The following TTLL9 variants were observed in gnomAD, a reference collection of about 807,000 sequenced individuals.
TTLL9 encodes the protein probable tubulin polyglutamylase TTLL9.
A neutral mutation model predicts 65.6 loss-of-function variants in TTLL9; 47 were observed. The observed-to-expected ratio is 0.72, with a 90% CI of 0.57 to 0.91. TTLL9 has a LOEUF of 0.91. Among genes scored for constraint, TTLL9 ranks in the 40% least tolerant of loss-of-function variants. The probability of loss-of-function intolerance (pLI) is 0.00; values close to 1 mark genes in which losing one functional copy is unlikely to be tolerated. For synonymous variants in TTLL9, 179 were observed against 204.8 expected (o/e 0.87, Z 1.07); for missense variants, 537 against 568.8 (o/e 0.94, Z 0.57).
At chr20:31,939,505 A>G in intron 14 of TTLL9, 1 of 360,158 alleles carries the variant, frequency 2.8e-6, no homozygotes, top group Admixed American at 4.4e-5. Flanking sequence ...GAATATTTGA[A>G]AACTAGAGAA....
intron 2 of TTLL9, chr20:31,879,684 G>C (rs1415818751): frequency 2.6e-6 from 2 of 761,624 alleles, no homozygotes; most frequent in South Asian, 2.0e-5. Flanking sequence ...GGAAGTCGGG[G>C]GACCTAGGCT....
chr20:31,924,807 C>T (rs941753684), intron 8 of TTLL9, among the ~76,000 whole-genome samples: 1 of 151,978 alleles, frequency 6.6e-6, no homozygotes, highest in Non-Finnish European at 1.5e-5. Flanking sequence ...GGATTCCTGG[C>T]CTCAAGCGAT....
In TTLL9 at chr20:31,943,329, A is replaced by G; in HGVS notation, c.*308A>G. On this transcript the variant is annotated 3_prime_UTR_variant, in exon 15 of 15. Transcript: ENST00000535842. ...CAGCAAGTTCTGCTACCCCCAGGAG[A>G]TCATATCTAATAAATGAGCACAGGC... The G allele has an allele frequency of 2.3e-6, 1 of 430,908 alleles. No individual in the cohort carries two copies. The highest frequency in any genetic ancestry group is 4.7e-5 in the East Asian group (1 of 21,356). 26.7% of individuals were successfully genotyped at this position (430,908 alleles called of 1,614,324 possible).
chr20:31,893,539 C>A (rs1317039024), intron 3 of TTLL9, among the ~76,000 whole-genome samples: 1 of 152,132 alleles, frequency 6.6e-6, no homozygotes, highest in African/African-American at 2.4e-5. Context: ...GATCCGCTTG[C>A]CTCAGCCTCC....
chr20:31,926,112 C>T (rs373099893), intron 10 of TTLL9, 21 bp downstream of exon 10: 8 of 1,553,710 alleles, frequency 5.1e-6, no homozygotes, highest in African/African-American at 1.4e-5. Context: ...GGTCTGGTCC[C>T]TTCCCTCCGG....
At chr20:31,894,720 TACACACAC>T (rs10582768) in intron 3 of TTLL9, among the ~76,000 whole-genome samples, 158 of 148,998 alleles carry the variant, frequency 1.1e-3, no homozygotes, top group African/African-American at 3.5e-3. Context: ...TACATGTATA[TACACACAC>T]ACACACACAC....
At chr20:31,890,154 C>CTTCTTTCTTTCTTTCTTTCTCTCT (rs2063281700) in intron 3 of TTLL9, among the ~76,000 whole-genome samples, 3 of 13,574 alleles carry the variant, frequency 2.2e-4, no homozygotes, top group Non-Finnish European at 2.5e-4. Flanking sequence ...TCCTTCCTTC[C>CTTCTTTCTTTCTTTCTTTCTCTCT]TTCTTTCTTT....
chr20:31,921,445 C>G (rs977756004), intron 7 of TTLL9, among the ~76,000 whole-genome samples: 1 of 152,174 alleles, frequency 6.6e-6, no homozygotes, highest in Non-Finnish European at 1.5e-5. Context: ...ACTAGAAATA[C>G]CATTTGACCC....
chr20:31,885,176 T>A (rs192977573), intron 2 of TTLL9, among the ~76,000 whole-genome samples: 180 of 152,002 alleles, frequency 1.2e-3, no homozygotes, highest in African/African-American at 4.2e-3. Flanking sequence ...TCTCAACATG[T>A]TTTTTCGTAG....
chr20:31,906,322 G>A (rs1600568163), intron 4 of TTLL9, among the ~76,000 whole-genome samples: 2 of 152,214 alleles, frequency 1.3e-5, no homozygotes, highest in Admixed American at 6.5e-5. Context: ...TGACTCACAC[G>A]TGTGGCAGTC....
chr20:31,883,735 A>T (rs2063150818), intron 2 of TTLL9, among the ~76,000 whole-genome samples: 1 of 152,150 alleles, frequency 6.6e-6, no homozygotes, highest in Admixed American at 6.5e-5. Flanking sequence ...AAGTTAAAAA[A>T]AAAAGCCTGT....
intron 7 of TTLL9, 135 bp downstream of exon 7, chr20:31,920,067 G>T (rs931471399): frequency 1.5e-6 from 1 of 684,630 alleles, no homozygotes; most frequent in Non-Finnish European, 2.2e-6. Context: ...ATTGGAGCAG[G>T]GTCTCCAGAG....
At chr20:31,875,140 G>A (rs1350222677) in intron 2 of TTLL9, among the ~76,000 whole-genome samples, 1 of 152,118 alleles carries the variant, frequency 6.6e-6, no homozygotes, top group Admixed American at 6.6e-5. Flanking sequence ...GGCACACAAG[G>A]AGGCCTTGTG....
intron 3 of TTLL9, among the ~76,000 whole-genome samples, chr20:31,896,506 T>A (rs1247180089): frequency 6.6e-6 from 1 of 152,214 alleles, no homozygotes; most frequent in African/African-American, 2.4e-5. Context: ...TCTGTTAATA[T>A]GACTGATTAC....
intron 2 of TTLL9, among the ~76,000 whole-genome samples, chr20:31,881,878 G>A (rs767497814): frequency 6.6e-6 from 1 of 152,138 alleles, no homozygotes; most frequent in African/African-American, 2.4e-5. Context: ...TCTACACTGT[G>A]AATATAGTAT....
chr20:31,918,994 G>T (rs866684663), intron 6 of TTLL9, among the ~76,000 whole-genome samples: 1 of 152,210 alleles, frequency 6.6e-6, no homozygotes, highest in South Asian at 2.1e-4. Context: ...AGAGCCTCGG[G>T]TGGGCCAGGT....
At chr20:31,908,524 C>T in intron 4 of TTLL9, 67 bp from the exon 5 acceptor site, 1 of 1,135,462 alleles carries the variant, frequency 8.8e-7, no homozygotes, top group South Asian at 1.3e-5. Context: ...GGCAGCACCT[C>T]CCTGGGCCCT....
chr20:31,929,853 G>A (rs1431238012), intron 10 of TTLL9, among the ~76,000 whole-genome samples: 2 of 152,210 alleles, frequency 1.3e-5, no homozygotes, highest in Non-Finnish European at 2.9e-5. Context: ...CCCTCACTGG[G>A]TGTGGTGGCT....
In TTLL9 at chr20:31,923,139, G is replaced by C. The variant is rs2063838180; in HGVS notation, c.664+86G>C. 8 of 1,048,064 alleles carry C rather than the reference G, an allele frequency of 7.6e-6. No individual in the cohort carries two copies. The South Asian group carries it at 1.0e-4, about 13-fold the overall frequency. 64.9% of individuals were successfully genotyped at this position (1,048,064 alleles called of 1,614,324 possible). A position where few individuals can be genotyped will look rare whatever the true frequency, so the allele number is the denominator to read the frequency against. On this transcript the variant is annotated intron_variant, in intron 8 of 14. Coordinates refer to ENST00000535842, the MANE Select transcript of TTLL9 (RefSeq NM_001008409.5). The stretch of plus-strand genomic sequence containing the variant: ...AAGCTTTGACCAGCAGCCTGCCAAG[G>C]GCCCAGCCTGACACCAGGCATGAAG...
Sources: gnomAD v4.1 joint callset for allele counts (sites outside exome capture counted in the v4.1 genomes callset) on GRCh38, gnomAD v4.1.1 for gene constraint, MANE v1.5 for transcripts, NCBI Gene and HGNC (gene_info 2026-07-23, HGNC 2026-07-21) for gene names.